NUDT4: variants seen among roughly 807,000 people sequenced by gnomAD.
The protein encoded by NUDT4 is nudix hydrolase 4, also known as diphosphoinositol polyphosphate phosphohydrolase 2.
A neutral mutation model predicts 23.1 loss-of-function variants in NUDT4; 5 were observed. That is an observed-to-expected ratio of 0.22 (90% confidence interval 0.11 to 0.46). The LOEUF (loss-of-function observed/expected upper bound fraction) is 0.46, where lower values mean the gene tolerates loss of function less well. Ranked by LOEUF, NUDT4 falls within the 20% of genes least tolerant of loss-of-function variation. The pLI is 0.99. For synonymous variants in NUDT4, 50 were observed against 79.0 expected (o/e 0.63, Z 1.95); for missense variants, 96 against 211.6 (o/e 0.45, Z 3.39).
In NUDT4 at chr12:93,400,947, AT is replaced by A; in HGVS notation, c.*1570del. 1 of 152,398 alleles carries A rather than the reference AT, an allele frequency of 6.6e-6. No homozygotes were observed. Among genetic ancestry groups the A allele is most frequent in the East Asian group, 1.9e-4 (1 of 5,198 alleles). The allele number at this position is 152,398 out of a possible 1,614,324, so 9.4% of individuals were successfully genotyped here. On this transcript the variant is annotated 3_prime_UTR_variant, in exon 5 of 5. Coordinates refer to ENST00000415493, the MANE Select transcript of NUDT4 (RefSeq NM_019094.6). ...ATATAGACTTCAGCCCTTTGTAAAT[AT>A]TGTAACTGGGGAGTATAGAGTAGAA...
chr12:93,395,364 T>C, intron 2 of NUDT4, 125 bp from the exon 3 acceptor site: 1 of 701,304 alleles, frequency 1.4e-6, no homozygotes, highest in Non-Finnish European at 2.6e-6. Flanking sequence ...AGGAAGATAG[T>C]GAGTTGGTAT....
At chr12:93,383,818 C>T (rs749551854) in intron 1 of NUDT4, among the ~76,000 whole-genome samples, 1 of 152,136 alleles carries the variant, frequency 6.6e-6, no homozygotes, top group Non-Finnish European at 1.5e-5. Flanking sequence ...GGCGACAGAG[C>T]GAGACAGCGT....
intron 3 of NUDT4, 43 bp from the exon 4 acceptor site, chr12:93,398,728 A>G (rs776680540): frequency 3.7e-6 from 5 of 1,345,582 alleles, no homozygotes; most frequent in Non-Finnish European, 5.3e-6. Context: ...GTCCATGGCT[A>G]GCTCCTGTAG....
intron 2 of NUDT4, 129 bp downstream of exon 2, chr12:93,394,848 AT>A (rs1036268544): frequency 0.013 from 6,426 of 487,736 alleles, 31 homozygotes; most frequent in African/African-American, 0.036. Flanking sequence ...TTTAATTTTA[AT>A]TTTTTTTTTT....
intron 1 of NUDT4, among the ~76,000 whole-genome samples, chr12:93,383,533 G>A (rs1592714931): frequency 1.3e-5 from 2 of 152,086 alleles, no homozygotes; most frequent in Non-Finnish European, 2.9e-5. Flanking sequence ...TAGCAACCTC[G>A]AAACAGTTTC....
intron 2 of NUDT4, among the ~76,000 whole-genome samples, 189 bp downstream of exon 2, chr12:93,394,908 G>A (rs1159479063): frequency 6.6e-6 from 1 of 151,984 alleles, no homozygotes; most frequent in East Asian, 1.9e-4. Flanking sequence ...GAGTACAGTG[G>A]AGCGATCTTG....
intron 1 of NUDT4, among the ~76,000 whole-genome samples, chr12:93,392,254 CTT>C (rs1175905948): frequency 3.8e-5 from 4 of 104,578 alleles, no homozygotes; most frequent in Admixed American, 9.2e-5. Context: ...CCCCCCCCCC[CTT>C]TTTTTTTTCC....
intron 1 of NUDT4, among the ~76,000 whole-genome samples, chr12:93,390,139 T>G (rs1296463861): frequency 6.6e-6 from 1 of 152,214 alleles, no homozygotes; most frequent in African/African-American, 2.4e-5. Context: ...TGATGTACTT[T>G]TCAGGCGGCT....
chr12:93,388,552 G>T (rs1436037257), intron 1 of NUDT4, among the ~76,000 whole-genome samples: 2 of 152,242 alleles, frequency 1.3e-5, no homozygotes, highest in Non-Finnish European at 2.9e-5. Context: ...ACAGGAGTCA[G>T]TCTGTTCTCT....
At chr12:93,392,239 TG>T (rs1197758024) in intron 1 of NUDT4, among the ~76,000 whole-genome samples, 6 of 138,298 alleles carry the variant, frequency 4.3e-5, no homozygotes, top group African/African-American at 1.7e-4. Flanking sequence ...AATATTCCTT[TG>T]TTTCCCCCCC....
rs1877916333 is a variant in NUDT4 at position 93,408,111 on chromosome 12, G to A, written c.*8732G>A. 1 of 152,198 alleles carries A rather than the reference G, an allele frequency of 6.6e-6. No individual in the cohort carries two copies. Among genetic ancestry groups the A allele is most frequent in the East Asian group, 1.9e-4 (1 of 5,186 alleles). The allele number at this position is 152,198 out of a possible 1,614,324, so 9.4% of individuals were successfully genotyped here. A position where few individuals can be genotyped will look rare whatever the true frequency, so the allele number is the denominator to read the frequency against. ...TAGCTATAACCATGAGCAATATTAC[G>A]GGCAGTAAATGTTGATTTCTATTTC... On this transcript the variant is annotated 3_prime_UTR_variant, in exon 5 of 5. Coordinates refer to ENST00000415493, the MANE Select transcript of NUDT4 (RefSeq NM_019094.6).
At position 93,406,618 on chromosome 12, in the gene NUDT4, TTG is replaced by T. The variant is rs558887900; in HGVS notation, c.*7243_*7244del. 1.2e-3 allele frequency: 190 copies of T among 152,400 alleles called. No individual in the cohort carries two copies. Among genetic ancestry groups the T allele is most frequent in the African/African-American group, 4.4e-3 (183 of 41,594 alleles). 9.4% of individuals were successfully genotyped at this position (152,400 alleles called of 1,614,324 possible). The stretch of plus-strand genomic sequence containing the variant: ...ACCAGACAAAATATTCCAAAAAACA[TTG>T]TGTCTGTAGTCAACATGTATATTTT... On this transcript the variant is annotated 3_prime_UTR_variant, in exon 5 of 5. Coordinates refer to ENST00000415493, the MANE Select transcript of NUDT4 (RefSeq NM_019094.6).
rs1255578881 is a variant in NUDT4 at position 93,378,291 on chromosome 12, A to C, written c.-32A>C. ...GCCGGGCCCCCACGGCGGCGGCCGG[A>C]GCAGCAGCAGCAGCAGCAGGAGCCC... On this transcript the variant is annotated 5_prime_UTR_variant, in exon 1 of 5. Transcript: ENST00000415493. 7.1e-6 allele frequency: 6 copies of C among 842,880 alleles called. No homozygotes were observed. Among genetic ancestry groups the C allele is most frequent in the Non-Finnish European group, 1.0e-5 (6 of 602,044 alleles). The allele number at this position is 842,880 out of a possible 1,614,324, so 52.2% of individuals were successfully genotyped here.
At chr12:93,394,792 C>T (rs748393633) in intron 2 of NUDT4, 73 bp downstream of exon 2, 109 of 862,288 alleles carry the variant, frequency 1.3e-4, no homozygotes, top group Non-Finnish European at 1.9e-4. Flanking sequence ...AACACTAAGA[C>T]AGCGAGACGG....
At chr12:93,378,749 G>A in intron 1 of NUDT4, 1 of 1,049,550 alleles carries the variant, frequency 9.5e-7, no homozygotes, top group African/African-American at 1.7e-5. Context: ...GTTGAAAGCC[G>A]GATAAACCTC....
rs2121045734 is a variant in NUDT4, at chr12:93,407,667, C to T, written c.*8288C>T. The T allele has an allele frequency of 6.6e-6, 1 of 152,320 alleles. No homozygotes were observed. The highest frequency in any genetic ancestry group is 2.1e-4 in the South Asian group (1 of 4,818). The allele number at this position is 152,320 out of a possible 1,614,324, so 9.4% of individuals were successfully genotyped here. ...AAAAGTTACCCGAATTCTGGATTTT[C>T]ATGCAAATCTCCCAATTTTTAAAAA... On this transcript the variant is annotated 3_prime_UTR_variant, in exon 5 of 5. Transcript: ENST00000415493.
chr12:93,389,574 A>T (rs573423492), intron 1 of NUDT4, among the ~76,000 whole-genome samples: 1 of 152,158 alleles, frequency 6.6e-6, no homozygotes, highest in Admixed American at 6.6e-5. Context: ...AAGTTTAGTC[A>T]TGCTGATGTC....
intron 1 of NUDT4, 160 bp downstream of exon 1, chr12:93,378,581 T>C: frequency 7.7e-7 from 1 of 1,294,404 alleles, no homozygotes; most frequent in Non-Finnish European, 9.9e-7. Flanking sequence ...CTCCCTCACT[T>C]CTTCCTTCCT....
rs1260718335 is a variant in NUDT4 at position 93,398,797 on chromosome 12, T to C, written c.282T>C (p.Tyr94=). 2.5e-6 allele frequency: 4 copies of C among 1,605,992 alleles called. No individual in the cohort carries two copies. The Admixed American group carries it at 5.0e-5, about 20-fold the overall frequency. Residue 94 remains tyrosine (Y), a synonymous_variant, in exon 4 of 5, where the codon TAT becomes TAC. Coordinates refer to ENST00000415493, the MANE Select transcript of NUDT4 (RefSeq NM_019094.6). ...ACCAAGACCGAAAGCACAGAACATA[T>C]GTTTATGTTCTAACAGTCACTGAAA... ...FENQDRKHRT[Y]VYVLTVTEIL... is the part of the protein sequence containing the mutation.
Sources: allele counts gnomAD v4.1 joint callset (sites outside exome capture counted in the v4.1 genomes callset), GRCh38; gene constraint gnomAD v4.1.1; transcripts MANE v1.5; gene names NCBI Gene and HGNC (gene_info 2026-07-23, HGNC 2026-07-21).